Variants in TASOR2 observed in about 807,000 individuals in gnomAD.
The protein encoded by TASOR2 is protein TASOR 2.
A neutral mutation model predicts 199.5 loss-of-function variants in TASOR2; 84 were observed. That is an observed-to-expected ratio of 0.42 (90% CI 0.35 to 0.50). The LOEUF (loss-of-function observed/expected upper bound fraction) is 0.50. Ranked by LOEUF, TASOR2 falls within the 20% of genes least tolerant of loss-of-function variation. The pLI is 0.02. For missense variants in TASOR2, 2,796 were observed against 2,835.9 expected (o/e 0.99, Z 0.32); for synonymous variants, 1,103 against 1,046.6 (o/e 1.05, Z -1.04).
chr10:5,722,114 C>T lies in TASOR2; in HGVS notation c.146+1144C>T, dbSNP rs1232376474. Among the ~76,000 whole-genome samples the T allele has an allele frequency of 3.3e-5, 5 of 152,100 alleles. No individual in the cohort carries two copies. The highest frequency in any genetic ancestry group is 9.7e-5 in the African/African-American group (4 of 41,402). On this transcript the variant is annotated intron_variant, in intron 6 of 20. Transcript: ENST00000328090. The surrounding 1 kb of genome is among the most constrained non-coding windows in gnomAD (Gnocchi z 4.0). ...GTAGGTTAAGTCATAGTATCGTTAT[C>T]ATTGTGAATGTGTTGATTTTGCTTA...
In TASOR2 at chr10:5,740,279, C is replaced by T; in HGVS notation, c.2109C>T (p.Gly703=). The change falls in exon 13 of 21, where the codon GGC becomes GGT. Residue 703 remains glycine (G), a synonymous_variant. Coordinates refer to ENST00000328090, the Ensembl canonical transcript of TASOR2. The surrounding 1 kb of genome is among the most constrained non-coding windows in gnomAD (Gnocchi z 5.3). ...TCATGCCATTTCGGCATCAGCCCGGCCTTTTGCTTCAGCAAAAGCCTCCTG... is the reference window on the plus strand; with the variant it reads ...TCATGCCATTTCGGCATCAGCCCGGTCTTTTGCTTCAGCAAAAGCCTCCTG... The T allele has an allele frequency of 6.2e-7, 1 of 1,614,236 alleles. No individual in the cohort carries two copies. The highest frequency in any genetic ancestry group is 8.5e-7 in the Non-Finnish European group (1 of 1,180,044).
chr10:5,734,191 G>A (rs1029847594), intron 11 of TASOR2, among the ~76,000 whole-genome samples: 4 of 152,180 alleles, frequency 2.6e-5, no homozygotes, highest in Non-Finnish European at 4.4e-5. Context: ...TTAAAAGATT[G>A]AAACACTTTC....
intron 20 of TASOR2, 131 bp downstream of exon 21, chr10:5,762,777 T>C (rs1840088013): frequency 1.5e-6 from 1 of 674,694 alleles, no homozygotes; most frequent in Non-Finnish European, 2.6e-6. Context: ...TTAAAGTGTT[T>C]GTTTAGGGGT....
At chr10:5,761,536 T>G in intron 19 of TASOR2, 65 bp downstream of exon 20, 1 of 1,406,882 alleles carries the variant, frequency 7.1e-7, no homozygotes, top group African/African-American at 1.4e-5. Flanking sequence ...ATGTCAAAGT[T>G]AGATACCTGA....
At chr10:5,746,677 G>A (rs1211371856) in exon 15 of TASOR2, 3 of 1,614,044 alleles carry the variant, frequency 1.9e-6, no homozygotes, top group Non-Finnish European at 2.5e-6. Context: ...GATTAAGCAA[G>A]TATCACCTGC....
chr10:5,761,270 T>G lies in TASOR2; in HGVS notation c.6993-20T>G, dbSNP rs116458498. The G allele has an allele frequency of 2.6e-5, 41 of 1,577,036 alleles. No homozygotes were observed. In the African/African-American group the frequency reaches 5.2e-4, roughly 20 times the overall value. ...AATAAAACTGAAAAATATTTTAATA[T>G]GCCTATGTATCTTTCACAGAGTGGA... is the stretch of plus-strand genomic sequence containing the variant. On this transcript the variant is annotated intron_variant, in intron 18 of 20. Transcript: ENST00000328090.
intron 12 of TASOR2, among the ~76,000 whole-genome samples, chr10:5,736,965 T>C (rs1007898635): frequency 3.3e-5 from 5 of 152,132 alleles, no homozygotes; most frequent in African/African-American, 9.7e-5. Flanking sequence ...TGTTGTTTTG[T>C]TTTGTTTTGT....
rs1033262727 is a variant in TASOR2 at position 5,722,651 on chromosome 10, T to G, written c.147-1026T>G. The stretch of plus-strand genomic sequence containing the variant: ...AATCTGGATGAAGGGTATTAAAGAG[T>G]TCTTTGTCCTATGTTTGCAACTTTT... On this transcript the variant is annotated intron_variant, in intron 6 of 20. Coordinates refer to ENST00000328090, the Ensembl canonical transcript of TASOR2. This position sits in a 1 kb window ranked among gnomAD's most constrained non-coding sequence, Gnocchi z 4.0. Among the ~76,000 whole-genome samples the G allele has an allele frequency of 1.3e-5, 2 of 151,918 alleles. No individual in the cohort carries two copies. Among genetic ancestry groups the G allele is most frequent in the African/African-American group, 4.8e-5 (2 of 41,318 alleles).
chr10:5,746,853 G>C (rs1837296309), exon 15 of TASOR2: 1 of 1,614,214 alleles, frequency 6.2e-7, no homozygotes, highest in Non-Finnish European at 8.5e-7. Context: ...TACAGAAGGA[G>C]ACGCCCCTTC....
At chr10:5,715,193 C>T (rs34404996) in intron 2 of TASOR2, among the ~76,000 whole-genome samples, 12,048 of 149,468 alleles carry the variant, frequency 0.081, 1,242 homozygotes, top group East Asian at 0.44. Context: ...GAAAGATTAT[C>T]GGGCTTCATG....
At chr10:5,734,339 G>A (rs921822542) in intron 11 of TASOR2, among the ~76,000 whole-genome samples, 32 of 152,248 alleles carry the variant, frequency 2.1e-4, no homozygotes, top group Admixed American at 1.4e-3. Context: ...TAGTAGATTT[G>A]TTAGAAATAA....
chr10:5,762,290 G>A (rs1021554910), intron 19 of TASOR2, among the ~76,000 whole-genome samples: 2 of 148,242 alleles, frequency 1.3e-5, no homozygotes, highest in Non-Finnish European at 3.0e-5. Flanking sequence ...AAAAATTTAC[G>A]TAAAGAACCA....
At chr10:5,704,393 C>T (rs1379712190) in intron 1 of TASOR2, among the ~76,000 whole-genome samples, 1 of 151,694 alleles carries the variant, frequency 6.6e-6, no homozygotes, top group South Asian at 2.1e-4. Flanking sequence ...TGGAAAATTC[C>T]CCTGTTTTCT....
intron 15 of TASOR2, among the ~76,000 whole-genome samples, chr10:5,753,252 CAACT>C (rs1175741172): frequency 2.6e-5 from 4 of 152,172 alleles, no homozygotes; most frequent in African/African-American, 7.2e-5. Context: ...TATTTTGAGT[CAACT>C]AACTATGACT....
At chr10:5,703,693 C>T (rs997029321) in intron 1 of TASOR2, among the ~76,000 whole-genome samples, 13 of 150,978 alleles carry the variant, frequency 8.6e-5, no homozygotes, top group East Asian at 2.0e-4. Flanking sequence ...TTAGTAGAGA[C>T]GGGGTTTCAC....
Position 5,748,860 on chromosome 10 carries a change from T to C in TASOR2, c.5439T>C (p.Asp1813=). 1 of 1,614,132 alleles carries C rather than the reference T, an allele frequency of 6.2e-7. No homozygotes were observed. The highest frequency in any genetic ancestry group is 8.5e-7 in the Non-Finnish European group (1 of 1,180,020). ...CTGGTTCTGAAACCCTAGGCAGAGA[T>C]GGAGAGGTCGGTGTGAATTCCGACA... Residue 1813 remains aspartate (D), a synonymous_variant, in exon 15 of 21, where the codon GAT becomes GAC. Transcript: ENST00000328090. The surrounding 1 kb of genome is among the most constrained non-coding windows in gnomAD (Gnocchi z 5.1).
intron 19 of TASOR2, among the ~76,000 whole-genome samples, chr10:5,762,168 C>T (rs1341209969): frequency 2.0e-5 from 3 of 149,574 alleles, no homozygotes; most frequent in African/African-American, 4.9e-5. Flanking sequence ...TGGGTTAAGG[C>T]AGAAGGATTG....
rs1331508108 is a variant in TASOR2, at chr10:5,720,907, A to G, written c.83A>G (p.Gln28Arg). 6.2e-7 allele frequency: 1 copy of G among 1,613,410 alleles called. No individual in the cohort carries two copies. The highest frequency in any genetic ancestry group is 8.5e-7 in the Non-Finnish European group (1 of 1,179,802). Residue 28 changes from glutamine (Q) to arginine (R), a missense_variant, in exon 6 of 21, where the codon CAA (glutamine) becomes CGA (arginine). Coordinates refer to ENST00000328090, the Ensembl canonical transcript of TASOR2. The surrounding 1 kb of genome is among the most constrained non-coding windows in gnomAD (Gnocchi z 5.3). ...CCATGGAAAGGGAAATTAATTGTTC[A>G]AGACCGTATGCTATGTGATATAGCT...
chr10:5,727,222 T>C, intron 10 of TASOR2, 99 bp downstream of exon 11: 1 of 1,271,752 alleles, frequency 7.9e-7, no homozygotes. Context: ...TTGACTGTTT[T>C]TTCCTCTTAA....
Sources: gnomAD v4.1 joint callset for allele counts (sites outside exome capture counted in the v4.1 genomes callset) on GRCh38, gnomAD v4.1.1 for gene constraint, Gnocchi (gnomAD v3.1) non-coding constraint, MANE v1.5 for transcripts, NCBI Gene and HGNC (gene_info 2026-07-23, HGNC 2026-07-21) for gene names.